CACNB2: variants seen among roughly 807,000 people sequenced by gnomAD.
CACNB2 encodes the protein voltage-dependent L-type calcium channel subunit beta-2.
Under a neutral mutation model 73.3 loss-of-function variants are expected in CACNB2, and 42 were observed. The observed-to-expected ratio is 0.57, with a 90% CI of 0.45 to 0.74. The LOEUF (loss-of-function observed/expected upper bound fraction) is 0.74, where lower values mean the gene tolerates loss of function less well. CACNB2 is among the 30% of genes least tolerant of loss of function. CACNB2 has a pLI of 0.00. For synonymous variants in CACNB2, 348 were observed against 310.3 expected (o/e 1.12, Z -1.28); for missense variants, 940 against 853.0 (o/e 1.10, Z -1.27).
intron 2 of CACNB2, among the ~76,000 whole-genome samples, chr10:18,339,595 C>A (rs1466436219): frequency 6.6e-6 from 1 of 152,176 alleles, no homozygotes; most frequent in Non-Finnish European, 1.5e-5. Context: ...GGCTTACAAA[C>A]CTTTTCTGTA....
rs776215968 is a variant in CACNB2, at chr10:18,141,269, C to T, written c.120+413C>T. On this transcript the variant is annotated intron_variant, in intron 1 of 13. Transcript: ENST00000324631. The stretch of plus-strand genomic sequence containing the variant: ...GCTTCCCGCAGCGCTTTCTACGATG[C>T]CGACTCTCCTGGCCACGCTCCGAGC... The T allele has an allele frequency of 4.5e-4, 622 of 1,389,252 alleles. 1 individual carries two copies. The highest frequency in any genetic ancestry group is 3.0e-4 in the Non-Finnish European group (300 of 1,002,104). 86.1% of individuals were successfully genotyped at this position (1,389,252 alleles called of 1,614,324 possible).
chr10:18,257,696 G>T (rs565822917), intron 2 of CACNB2, among the ~76,000 whole-genome samples: 1 of 152,082 alleles, frequency 6.6e-6, no homozygotes. Context: ...TCCAGGGATG[G>T]TTAGGAGTTG....
At chr10:18,463,317 A>G (rs2132691527) in intron 3 of CACNB2, among the ~76,000 whole-genome samples, 1 of 152,188 alleles carries the variant, frequency 6.6e-6, no homozygotes, top group Non-Finnish European at 1.5e-5. Context: ...TGAGCCCAGG[A>G]GTTCAAGATC....
At chr10:18,427,978 A>G (rs2045690626) in intron 3 of CACNB2, among the ~76,000 whole-genome samples, 2 of 152,104 alleles carry the variant, frequency 1.3e-5, no homozygotes, top group South Asian at 2.1e-4. Flanking sequence ...TGTTAATCAC[A>G]CAAGCTTTTT....
intron 2 of CACNB2, among the ~76,000 whole-genome samples, chr10:18,225,410 T>C (rs2035950073): frequency 1.3e-5 from 2 of 152,306 alleles, no homozygotes; most frequent in African/African-American, 4.8e-5. Flanking sequence ...CATTTTACAA[T>C]GTAAGAAACT....
At chr10:18,273,994 A>G (rs966075767) in intron 2 of CACNB2, among the ~76,000 whole-genome samples, 1 of 152,178 alleles carries the variant, frequency 6.6e-6, no homozygotes, top group Non-Finnish European at 1.5e-5. Context: ...TCTGTTGAAT[A>G]TCTAGAAGGA....
chr10:18,401,966 G>T lies in CACNB2; in HGVS notation c.256G>T (p.Val86Leu). 2 of 1,614,034 alleles carry T rather than the reference G, an allele frequency of 1.2e-6. No homozygotes were observed. Among genetic ancestry groups the T allele is most frequent in the Non-Finnish European group, 1.7e-6 (2 of 1,179,886 alleles). Residue 86 changes from valine (V) to leucine (L), a missense_variant, in exon 3 of 14, where the codon GTA becomes TTA. Coordinates refer to ENST00000324631, the MANE Select transcript of CACNB2 (RefSeq NM_201596.3). The part of the protein sequence containing the change: ...SYTSRPSDSD[V>L]SLEEDREAVR... ...CACTAGCCGTCCATCCGATTCCGAT[G>T]TATCTCTGGAGGAGGACCGGGAGGC...
At chr10:18,345,098 A>G (rs2041394496) in intron 2 of CACNB2, among the ~76,000 whole-genome samples, 1 of 152,212 alleles carries the variant, frequency 6.6e-6, no homozygotes, top group Non-Finnish European at 1.5e-5. Context: ...TGATTTTATA[A>G]TTTTGTTTTC....
intron 2 of CACNB2, among the ~76,000 whole-genome samples, chr10:18,294,825 T>G (rs1232688411): frequency 6.6e-6 from 1 of 152,230 alleles, no homozygotes; most frequent in Admixed American, 6.5e-5. Flanking sequence ...TTTGCATATC[T>G]TTAGTAGTTC....
chr10:18,231,005 G>A (rs887631390), intron 2 of CACNB2, among the ~76,000 whole-genome samples: 1 of 152,164 alleles, frequency 6.6e-6, no homozygotes, highest in African/African-American at 2.4e-5. Flanking sequence ...AGGAAGGTTA[G>A]TAGGCTGAAA....
intron 2 of CACNB2, among the ~76,000 whole-genome samples, chr10:18,225,774 G>A (rs1357589557): frequency 6.6e-6 from 1 of 151,882 alleles, no homozygotes; most frequent in African/African-American, 2.4e-5. Context: ...CTAGTAGCTG[G>A]AACTACAGAT....
chr10:18,330,642 A>G (rs2040762459), intron 2 of CACNB2, among the ~76,000 whole-genome samples: 1 of 152,206 alleles, frequency 6.6e-6, no homozygotes, highest in African/African-American at 2.4e-5. Flanking sequence ...CCCTGTCTCC[A>G]AAATAACTAA....
At position 18,527,146 on chromosome 10, in the gene CACNB2, C is replaced by T. The variant is rs35897601; in HGVS notation, c.945-442C>T. On this transcript the variant is annotated intron_variant, in intron 9 of 13. Coordinates refer to ENST00000324631, the MANE Select transcript of CACNB2 (RefSeq NM_201596.3). Reference sequence around the variant, plus strand: ...CTATAATCCCAGCACTTTGGAAGGCCGAGGGAGGCGGATCACTTGAGGCCA... The same window carrying T: ...CTATAATCCCAGCACTTTGGAAGGCTGAGGGAGGCGGATCACTTGAGGCCA... 7.3e-5 allele frequency among the ~76,000 whole-genome samples: 11 copies of T among 151,698 alleles called. No homozygotes were observed. The East Asian group carries it at 9.8e-4, about 13-fold the overall frequency.
At chr10:18,405,029 C>T (rs2044210107) in intron 3 of CACNB2, among the ~76,000 whole-genome samples, 1 of 152,176 alleles carries the variant, frequency 6.6e-6, no homozygotes, top group Non-Finnish European at 1.5e-5. Context: ...CTGGTCATTT[C>T]AGTTTGTGCT....
chr10:18,518,831 C>T (rs1274698403), intron 8 of CACNB2, 79 bp from the exon 9 acceptor site: 1 of 1,319,866 alleles, frequency 7.6e-7, no homozygotes, highest in African/African-American at 1.4e-5. Flanking sequence ...TCAAGCATTC[C>T]TAAGAGAAGT....
At chr10:18,361,133 C>T (rs1057260632) in intron 2 of CACNB2, among the ~76,000 whole-genome samples, 1 of 151,732 alleles carries the variant, frequency 6.6e-6, no homozygotes, top group African/African-American at 2.4e-5. Context: ...ATTCTTTTAT[C>T]TGCTTGGAGC....
intron 2 of CACNB2, among the ~76,000 whole-genome samples, chr10:18,337,260 G>C (rs528606845): frequency 1.3e-3 from 199 of 152,190 alleles, no homozygotes; most frequent in African/African-American, 4.5e-3. Flanking sequence ...CTCCTGAGTA[G>C]CTGGGACTAC....
intron 2 of CACNB2, among the ~76,000 whole-genome samples, chr10:18,230,165 A>C (rs75385342): frequency 0.047 from 7,164 of 152,254 alleles, 591 homozygotes; most frequent in African/African-American, 0.16. Flanking sequence ...CATTAGAATG[A>C]GGGAGACAGA....
intron 3 of CACNB2, among the ~76,000 whole-genome samples, chr10:18,487,662 C>G (rs992539793): frequency 2.0e-5 from 3 of 152,144 alleles, no homozygotes; most frequent in African/African-American, 7.2e-5. Flanking sequence ...TAGTGAAACC[C>G]TGTCTCTGCT....
Sources: allele counts gnomAD v4.1 joint callset (sites outside exome capture counted in the v4.1 genomes callset), GRCh38; gene constraint gnomAD v4.1.1; transcripts MANE v1.5; gene names NCBI Gene and HGNC (gene_info 2026-07-23, HGNC 2026-07-21).